The following SMG7 variants were observed in gnomAD, a reference collection of about 807,000 sequenced individuals.
SMG7 encodes the protein nonsense-mediated mRNA decay factor SMG7.
In SMG7, 34 loss-of-function variants were observed where a neutral mutation model predicts 148.2. That is an observed-to-expected ratio of 0.23 (90% CI 0.17 to 0.31). The LOEUF is 0.31. SMG7 is among the 10% of genes least tolerant of loss of function. The probability of loss-of-function intolerance (pLI) is 1.00; values close to 1 mark genes in which losing one functional copy is unlikely to be tolerated. For missense variants in SMG7, 1,114 were observed against 1,408.4 expected (o/e 0.79, Z 3.35); for synonymous variants, 492 against 515.1 (o/e 0.96, Z 0.61).
chr1:183,475,064 G>A (rs1043243248), intron 1 of SMG7, among the ~76,000 whole-genome samples: 4 of 152,190 alleles, frequency 2.6e-5, no homozygotes, highest in African/African-American at 9.6e-5. Flanking sequence ...AGGTAAAATT[G>A]TTGAGGCTCA....
rs1172594243 is a variant in SMG7, at chr1:183,529,537, A to G, written c.843+4A>G. 1.2e-6 allele frequency: 2 copies of G among 1,605,056 alleles called. No individual in the cohort carries two copies. Among genetic ancestry groups the G allele is most frequent in the Non-Finnish European group, 8.5e-7 (1 of 1,176,602 alleles). On this transcript the variant is annotated splice_donor_region_variant and intron_variant, in intron 8 of 22. Transcript: ENST00000688051. The stretch of plus-strand genomic sequence containing the variant: ...GAAATTGGAAGAACAGTTTAAGGTT[A>G]GATTTCAGAAATAGAGAATTTTTGT...
At position 183,544,475 on chromosome 1, in the gene SMG7, C is replaced by T. The variant is rs1186492731; in HGVS notation, c.1965C>T (p.Phe655=). 6.8e-6 allele frequency: 11 copies of T among 1,613,656 alleles called. No homozygotes were observed. Among genetic ancestry groups the T allele is most frequent in the African/African-American group, 1.3e-5 (1 of 74,900 alleles). The part of the protein sequence containing the change: ...QFIPIHHPGA[F]PPLPSRPGFP... ...TCCCCATTCATCACCCTGGAGCCTT[C>T]CCTCCTCTTCCCAGCAGGCCAGGTA... The change falls in exon 15 of 23, where the codon TTC becomes TTT. Residue 655 remains phenylalanine (F), a synonymous_variant. Transcript: ENST00000688051.
At position 183,545,988 on chromosome 1, in the gene SMG7, A is replaced by G. The variant is rs770000200; in HGVS notation, c.2393A>G (p.Lys798Arg). 1 of 1,604,654 alleles carries G rather than the reference A, an allele frequency of 6.2e-7. No individual in the cohort carries two copies. The highest frequency in any genetic ancestry group is 2.2e-5 in the East Asian group (1 of 44,800). ...FQQYQQADAS[K>R]QLWNPPQVQG... ...TAGTATCAACAGGCAGATGCCTCCAAACAGCTGTGGAATCCCCCTCAGGTT... is the reference window on the plus strand; with the variant it reads ...TAGTATCAACAGGCAGATGCCTCCAGACAGCTGTGGAATCCCCCTCAGGTT... The change falls in exon 17 of 23, where the codon AAA (lysine) becomes AGA (arginine). Residue 798 changes from lysine to arginine, a missense_variant. Physicochemically the swap from Lys to Arg is conservative, Grantham distance 26. This residue lies in a region of SMG7 where 788 missense variants were observed against 894.5 expected (regional missense o/e 0.88). Transcript: ENST00000688051.
intron 1 of SMG7, among the ~76,000 whole-genome samples, chr1:183,477,748 G>A (rs1351491620): frequency 6.6e-6 from 1 of 151,570 alleles, no homozygotes; most frequent in Admixed American, 6.6e-5. Flanking sequence ...ATACATGTGT[G>A]TGCATATGTG....
intron 1 of SMG7, among the ~76,000 whole-genome samples, chr1:183,477,398 T>G (rs916245363): frequency 2.3e-5 from 3 of 132,962 alleles, no homozygotes; most frequent in Non-Finnish European, 3.4e-5. Flanking sequence ...CTGTTTTGTT[T>G]TGTGTGTGTG....
chr1:183,478,371 C>G (rs1653201973), intron 1 of SMG7, among the ~76,000 whole-genome samples: 1 of 152,116 alleles, frequency 6.6e-6, no homozygotes, highest in South Asian at 2.1e-4. Flanking sequence ...GAATGACTGT[C>G]TCTTTAGGCT....
chr1:183,523,803 A>G (rs140689856), intron 4 of SMG7, among the ~76,000 whole-genome samples: 3 of 151,968 alleles, frequency 2.0e-5, no homozygotes, highest in African/African-American at 7.2e-5. Flanking sequence ...ATTTTTTGTG[A>G]TCTTTCTTTT....
In SMG7 at chr1:183,552,073, C is replaced by T. The variant is rs534984738; in HGVS notation, c.*142C>T. 3.6e-5 allele frequency: 48 copies of T among 1,330,800 alleles called. No homozygotes were observed. The highest frequency in any genetic ancestry group is 1.0e-4 in the Admixed American group (3 of 30,044). 82.4% of individuals were successfully genotyped at this position (1,330,800 alleles called of 1,614,324 possible). On this transcript the variant is annotated 3_prime_UTR_variant, in exon 23 of 23. Transcript: ENST00000688051. ...AGAGGGTGTAAGTATTCCACCAGCC[C>T]GCTGAGTGTGCACGAAATGTTCGCA...
chr1:183,489,236 T>C (rs1037605300), intron 1 of SMG7, among the ~76,000 whole-genome samples: 3 of 152,270 alleles, frequency 2.0e-5, no homozygotes, highest in Non-Finnish European at 2.9e-5. Flanking sequence ...AGTACTGTGT[T>C]AAATAGTAAG....
chr1:183,522,109 A>C (rs1013254685), intron 4 of SMG7, among the ~76,000 whole-genome samples: 1 of 152,176 alleles, frequency 6.6e-6, no homozygotes, highest in Non-Finnish European at 1.5e-5. Flanking sequence ...CAGCTAGTCG[A>C]GTGGTTGTAC....
intron 1 of SMG7, among the ~76,000 whole-genome samples, chr1:183,475,846 G>A (rs1652032891): frequency 6.6e-6 from 1 of 152,102 alleles, no homozygotes; most frequent in Non-Finnish European, 1.5e-5. Context: ...ATCAATGATA[G>A]TTTGAGATGA....
chr1:183,477,485 C>CATATGTGTATGTATGCATATATACAT (rs1557935151), intron 1 of SMG7, among the ~76,000 whole-genome samples: 1 of 125,150 alleles, frequency 8.0e-6, no homozygotes, highest in Non-Finnish European at 1.8e-5. Flanking sequence ...CATATATACA[C>CATATGTGTATGTATGCATATATACAT]GTGTGTGCAT....
Position 183,527,168 on chromosome 1 carries a change from G to A in SMG7, c.484+401G>A, listed in dbSNP as rs1387613345. The stretch of plus-strand genomic sequence containing the variant: ...TTTCTTTCTTACCAATGGACTAAAA[G>A]TTGATTTTTAATTTTGCTTCCTTTT... On this transcript the variant is annotated intron_variant, in intron 5 of 22. Transcript: ENST00000688051. This position sits in a 1 kb window ranked among gnomAD's most constrained non-coding sequence, Gnocchi z 4.0. 6.6e-6 allele frequency among the ~76,000 whole-genome samples: 1 copy of A among 152,128 alleles called. No homozygotes were observed. Among genetic ancestry groups the A allele is most frequent in the African/African-American group, 2.4e-5 (1 of 41,434 alleles).
intron 1 of SMG7, among the ~76,000 whole-genome samples, chr1:183,477,623 CAT>C (rs1452534701): frequency 1.1e-5 from 1 of 88,470 alleles, no homozygotes; most frequent in Non-Finnish European, 2.3e-5. Context: ...TACGTGTGTG[CAT>C]ATGTGTATAT....
chr1:183,485,939 T>C (rs1655311102), intron 1 of SMG7, among the ~76,000 whole-genome samples: 1 of 152,212 alleles, frequency 6.6e-6, no homozygotes, highest in Non-Finnish European at 1.5e-5. Flanking sequence ...TACCTGAAAT[T>C]GAGACAGCAA....
chr1:183,552,589 G>T lies in SMG7; in HGVS notation c.*658G>T. 9.8e-7 allele frequency: 1 copy of T among 1,021,104 alleles called. No individual in the cohort carries two copies. Among genetic ancestry groups the T allele is most frequent in the Non-Finnish European group, 1.2e-6 (1 of 850,978 alleles). The allele number at this position is 1,021,104 out of a possible 1,614,324, so 63.3% of individuals were successfully genotyped here. A position where few individuals can be genotyped will look rare whatever the true frequency, so the allele number is the denominator to read the frequency against. On this transcript the variant is annotated 3_prime_UTR_variant, in exon 23 of 23. Coordinates refer to ENST00000688051, the MANE Select transcript of SMG7 (RefSeq NM_001375584.1). Reference sequence around the variant, plus strand: ...AGTTCAAGGCCTGTCAGAAGGCTCTGGTAGGCCTTCCTCTGGCCAGGAGAC... The same window carrying T: ...AGTTCAAGGCCTGTCAGAAGGCTCTTGTAGGCCTTCCTCTGGCCAGGAGAC...
chr1:183,477,493 CATATGTGT>C (rs1652647994), intron 1 of SMG7, among the ~76,000 whole-genome samples: 1 of 142,212 alleles, frequency 7.0e-6, no homozygotes, highest in African/African-American at 2.7e-5. Context: ...CACGTGTGTG[CATATGTGT>C]ATATATGCAT....
In SMG7 at chr1:183,529,506, T is replaced by G; in HGVS notation, c.816T>G (p.Leu272=). 1 of 1,612,924 alleles carries G rather than the reference T, an allele frequency of 6.2e-7. No homozygotes were observed. Among genetic ancestry groups the G allele is most frequent in the African/African-American group, 1.3e-5 (1 of 74,988 alleles). ...AGAGCTTGGAAAAGTTGAGCCCTCT[T>G]CGAGAGAAATTGGAAGAACAGTTTA... The part of the protein sequence containing the change: ...LSKSLEKLSP[L]REKLEEQFKR... Residue 272 remains leucine (L), a synonymous_variant, in exon 8 of 23, where the codon CTT becomes CTG. Transcript: ENST00000688051.
chr1:183,496,431 T>C (rs1204763012), intron 1 of SMG7, among the ~76,000 whole-genome samples: 1 of 152,222 alleles, frequency 6.6e-6, no homozygotes, highest in African/African-American at 2.4e-5. Flanking sequence ...TTTACATCTC[T>C]CTGTAGCTAC....
Sources: allele counts gnomAD v4.1 joint callset (sites outside exome capture counted in the v4.1 genomes callset), GRCh38; gene constraint gnomAD v4.1.1; regional missense constraint gnomAD v4.1.1; non-coding constraint Gnocchi (gnomAD v3.1); transcripts MANE v1.5; gene names NCBI Gene and HGNC (gene_info 2026-07-23, HGNC 2026-07-21).